The following PKHD1 variants were observed in gnomAD, a reference collection of about 807,000 sequenced individuals.
PKHD1 encodes fibrocystin.
In PKHD1, 291 loss-of-function variants were observed where a neutral mutation model predicts 412.0. The ratio of observed to expected loss-of-function variants is 0.71; its 90% CI spans 0.64 to 0.78. PKHD1 has a LOEUF of 0.78. PKHD1 is among the 30% of genes least tolerant of loss of function. The pLI, the probability that PKHD1 is intolerant of heterozygous loss-of-function variation, is 0.00. For missense variants in PKHD1, 4,825 were observed against 4,950.7 expected, an observed-to-expected ratio of 0.97 and a Z score of 0.76; for synonymous variants, 1,777 against 1,821.5, an observed-to-expected ratio of 0.98 and a Z score of 0.62.
At position 52,086,571 on chromosome 6, in the gene PKHD1, A is replaced by G. The variant is rs547430386; in HGVS notation, c.-85+863T>C. 2.2e-4 allele frequency among the ~76,000 whole-genome samples: 33 copies of G among 152,336 alleles called. No homozygotes were observed. The South Asian group carries it at 6.4e-3, about 30-fold the overall frequency. ...GGCATGTTCTGATTGAGACAGCTGG[A>G]AATCTATAATCATTTCTATTTAATT... On this transcript the variant is annotated intron_variant, in intron 1 of 66. Transcript: ENST00000371117.
rs777398206 is a variant in PKHD1 at position 51,632,657 on chromosome 6, G to T, written c.11573C>A (p.Thr3858Asn). The T allele has an allele frequency of 2.5e-6, 4 of 1,613,356 alleles. No individual in the cohort carries two copies. The highest frequency in any genetic ancestry group is 2.5e-6 in the Non-Finnish European group (3 of 1,179,506). Residue 3858 changes from threonine (T) to asparagine (N), a missense_variant, in exon 65 of 67, where the codon ACC (threonine) becomes AAC (asparagine). Thr to Asn is a moderately conservative substitution (Grantham distance 65). Coordinates refer to ENST00000371117, the MANE Select transcript of PKHD1 (RefSeq NM_138694.4). ...VLPVTRKEKSTIILAASLSSV... is the reference protein window; with the variant it reads ...VLPVTRKEKSNIILAASLSSV... ...GGACAGGGAAGCAGCCAGGATGATGGTCGACTTCTCCTTCCTAGTCACAGG... is the reference window on the plus strand; with the variant it reads ...GGACAGGGAAGCAGCCAGGATGATGTTCGACTTCTCCTTCCTAGTCACAGG...
chr6:52,041,284 C>T (rs78108664), intron 27 of PKHD1, among the ~76,000 whole-genome samples: 2,453 of 152,334 alleles, frequency 0.016, 64 homozygotes, highest in African/African-American at 0.056. Context: ...CATCATTTCT[C>T]AAACTGTACT....
intron 43 of PKHD1, among the ~76,000 whole-genome samples, chr6:51,897,612 G>T (rs1289104168): frequency 4.1e-5 from 6 of 144,924 alleles, no homozygotes; most frequent in African/African-American, 1.3e-4. Flanking sequence ...CAACTAACGA[G>T]CAAAATCACC....
chr6:52,022,742 A>G (rs1801577347), intron 33 of PKHD1, 59 bp downstream of exon 33: 3 of 1,566,882 alleles, frequency 1.9e-6, no homozygotes, highest in Non-Finnish European at 8.8e-7. Flanking sequence ...AGAATTAACC[A>G]AAGAATATCA....
intron 60 of PKHD1, among the ~76,000 whole-genome samples, chr6:51,722,340 C>T (rs774393458): frequency 1.4e-4 from 22 of 152,198 alleles, no homozygotes; most frequent in African/African-American, 3.6e-4. Flanking sequence ...TTCAAGGTTG[C>T]GTCTCACTTA....
intron 50 of PKHD1, among the ~76,000 whole-genome samples, chr6:51,847,164 T>C (rs1771320155): frequency 6.6e-6 from 1 of 152,086 alleles, no homozygotes; most frequent in African/African-American, 2.4e-5. Flanking sequence ...TCTCACTCTG[T>C]TGTCTAGGCT....
intron 50 of PKHD1, among the ~76,000 whole-genome samples, chr6:51,836,759 C>T (rs886909440): frequency 2.0e-5 from 3 of 152,140 alleles, no homozygotes; most frequent in African/African-American, 7.2e-5. Flanking sequence ...TCTAAGGAAG[C>T]CAATGGTGTC....
intron 53 of PKHD1, among the ~76,000 whole-genome samples, chr6:51,790,358 T>A (rs943898250): frequency 2.6e-5 from 4 of 152,150 alleles, no homozygotes; most frequent in Non-Finnish European, 5.9e-5. Context: ...CAGGTTTTTT[T>A]ATTTAAGTAA....
At chr6:51,676,638 C>T (rs921865696) in intron 60 of PKHD1, among the ~76,000 whole-genome samples, 9 of 151,948 alleles carry the variant, frequency 5.9e-5, no homozygotes, top group African/African-American at 1.7e-4. Context: ...ATAAATGGTC[C>T]CAGATCAAAT....
At chr6:51,725,052 T>C (rs902999318) in intron 60 of PKHD1, among the ~76,000 whole-genome samples, 1 of 152,150 alleles carries the variant, frequency 6.6e-6, no homozygotes, top group Non-Finnish European at 1.5e-5. Flanking sequence ...GGTTGGAGCT[T>C]TTAGTAATAA....
intron 20 of PKHD1, 113 bp from the exon 21 acceptor site, chr6:52,053,364 G>GACCCCATGA: frequency 9.2e-7 from 1 of 1,087,626 alleles, no homozygotes; most frequent in Non-Finnish European, 1.4e-6. Flanking sequence ...CCAGGAGAGA[G>GACCCCATGA]ACCCCATGAA....
At chr6:51,718,140 C>G (rs1781489403) in intron 60 of PKHD1, among the ~76,000 whole-genome samples, 1 of 152,206 alleles carries the variant, frequency 6.6e-6, no homozygotes, top group Non-Finnish European at 1.5e-5. Context: ...CGTAATGGAT[C>G]AATCTTTTCT....
intron 16 of PKHD1, 123 bp from the exon 17 acceptor site, chr6:52,057,102 A>G (rs530748602): frequency 2.6e-5 from 19 of 733,246 alleles, no homozygotes; most frequent in Middle Eastern, 2.9e-4. Context: ...TTAACTTTTC[A>G]ATGCTTTAAC....
chr6:51,671,385 GT>G (rs1418451310), intron 60 of PKHD1, among the ~76,000 whole-genome samples: 1 of 152,108 alleles, frequency 6.6e-6, no homozygotes, highest in Non-Finnish European at 1.5e-5. Context: ...TCGAGCCTTG[GT>G]TTTCAGCTCC....
chr6:51,905,331 G>A lies in PKHD1; in HGVS notation c.6808+884C>T, dbSNP rs139666932. On this transcript the variant is annotated intron_variant, in intron 41 of 66. Coordinates refer to ENST00000371117, the MANE Select transcript of PKHD1 (RefSeq NM_138694.4). ...AGGAGACAATGTCCTCAAGAAATCC[G>A]GTGGTATAAAGACATTAATCAGATG... Among the ~76,000 whole-genome samples the A allele has an allele frequency of 4.5e-3, 681 of 152,154 alleles. 7 individuals carry two copies. Among genetic ancestry groups the A allele is most frequent in the African/African-American group, 0.015 (615 of 41,520 alleles).
intron 34 of PKHD1, among the ~76,000 whole-genome samples, chr6:52,012,064 T>C (rs1799901268): frequency 1.3e-5 from 2 of 152,228 alleles, no homozygotes; most frequent in African/African-American, 4.8e-5. Flanking sequence ...AGCACTGGCA[T>C]GTAAAGCTTA....
intron 60 of PKHD1, among the ~76,000 whole-genome samples, chr6:51,735,418 T>C (rs1445343051): frequency 1.3e-5 from 2 of 152,182 alleles, no homozygotes; most frequent in Non-Finnish European, 2.9e-5. Context: ...GCCTGGCACA[T>C]GGAATGCACT....
chr6:51,822,497 C>T lies in PKHD1; in HGVS notation c.8302+8364G>A, dbSNP rs149496480. Among the ~76,000 whole-genome samples the T allele has an allele frequency of 2.8e-3, 427 of 152,194 alleles. 4 individuals carry two copies. Among genetic ancestry groups the T allele is most frequent in the African/African-American group, 9.7e-3 (402 of 41,540 alleles). ...CTTCCTGAAACTTAAATTAGCATTGCCCTAAGATGCTGACTTCTACCCAAT... is the reference window on the plus strand; with the variant it reads ...CTTCCTGAAACTTAAATTAGCATTGTCCTAAGATGCTGACTTCTACCCAAT... On this transcript the variant is annotated intron_variant, in intron 52 of 66. Transcript: ENST00000371117.
intron 37 of PKHD1, among the ~76,000 whole-genome samples, chr6:51,915,279 A>T (rs1205107539): frequency 6.6e-6 from 1 of 152,076 alleles, no homozygotes; most frequent in Non-Finnish European, 1.5e-5. Context: ...TTTAGAACTT[A>T]ATCCTGAGAG....
Sources: gnomAD v4.1 joint callset for allele counts (sites outside exome capture counted in the v4.1 genomes callset) on GRCh38, gnomAD v4.1.1 for gene constraint, MANE v1.5 for transcripts, NCBI Gene and HGNC (gene_info 2026-07-23, HGNC 2026-07-21) for gene names.